The following PLEKHA6 variants were observed in gnomAD, a reference collection of about 807,000 sequenced individuals.
PLEKHA6 encodes the protein pleckstrin homology domain-containing family A member 6.
Under a neutral mutation model 116.7 loss-of-function variants are expected in PLEKHA6, and 60 were observed. The observed-to-expected ratio is 0.51, with a 90% CI of 0.42 to 0.64. PLEKHA6 has a LOEUF of 0.64. Ranked by LOEUF, PLEKHA6 falls within the 30% of genes least tolerant of loss-of-function variation. The pLI, the probability that PLEKHA6 is intolerant of heterozygous loss-of-function variation, is 0.00. For missense variants in PLEKHA6, 1,338 were observed against 1,422.7 expected, an observed-to-expected ratio of 0.94 and a Z score of 0.96; for synonymous variants, 489 against 556.1, an observed-to-expected ratio of 0.88 and a Z score of 1.70.
intron 15 of PLEKHA6, among the ~76,000 whole-genome samples, chr1:204,242,545 T>G (rs1347293455): frequency 6.6e-6 from 1 of 152,216 alleles, no homozygotes; most frequent in Non-Finnish European, 1.5e-5. Context: ...GGCACAGGAC[T>G]CTTTCTACTC....
At chr1:204,227,761 T>C (rs1162104699) in intron 21 of PLEKHA6, among the ~76,000 whole-genome samples, 1 of 152,308 alleles carries the variant, frequency 6.6e-6, no homozygotes, top group East Asian at 1.9e-4. Flanking sequence ...AGCTGTCATC[T>C]TTTCTCTGTG....
intron 9 of PLEKHA6, chr1:204,255,685 C>A (rs1261686148): frequency 1.4e-6 from 1 of 702,882 alleles, no homozygotes; most frequent in Admixed American, 2.0e-5. Flanking sequence ...TCATCCTACC[C>A]GGAGCCCGAG....
chr1:204,241,386 G>T lies in PLEKHA6; in HGVS notation c.2398C>A (p.Leu800Ile), dbSNP rs769513561. 6.2e-7 allele frequency: 1 copy of T among 1,606,658 alleles called. No individual in the cohort carries two copies. Among genetic ancestry groups the T allele is most frequent in the Admixed American group, 1.7e-5 (1 of 59,772 alleles). Residue 800 changes from leucine (L) to isoleucine (I), a missense_variant, in exon 17 of 23, where the codon CTC becomes ATC. Leu to Ile is a conservative substitution (Grantham distance 5). Coordinates refer to ENST00000272203, the MANE Select transcript of PLEKHA6 (RefSeq NM_014935.5). ...RRNASGLTNGLSSQERPKSAV... is the reference protein window; with the variant it reads ...RRNASGLTNGISSQERPKSAV... ...GCAGAGGTACCCACCTGGGAGGAGA[G>T]TCCATTGGTGAGCCCACTGGCATTC...
intron 1 of PLEKHA6, among the ~76,000 whole-genome samples, chr1:204,348,917 G>A (rs531716210): frequency 5.3e-5 from 8 of 152,310 alleles, no homozygotes; most frequent in East Asian, 3.9e-4. Flanking sequence ...CTGGGCCCCT[G>A]ACACCAAGTC....
chr1:204,219,253 A>C lies in PLEKHA6; in HGVS notation c.*3535T>G, dbSNP rs1168842661. 1 of 151,904 alleles carries C rather than the reference A, an allele frequency of 6.6e-6. No individual in the cohort carries two copies. Among genetic ancestry groups the C allele is most frequent in the Non-Finnish European group, 1.5e-5 (1 of 67,828 alleles). The allele number at this position is 151,904 out of a possible 1,614,324, so 9.4% of individuals were successfully genotyped here. ...TGTGTGTGTGTGTGTATATATATAT[A>C]TATATATAATGTGTGTGTATATCAT... On this transcript the variant is annotated 3_prime_UTR_variant, in exon 23 of 23. Coordinates refer to ENST00000272203, the MANE Select transcript of PLEKHA6 (RefSeq NM_014935.5).
chr1:204,339,327 G>C (rs190758329), intron 1 of PLEKHA6, among the ~76,000 whole-genome samples: 1 of 152,224 alleles, frequency 6.6e-6, no homozygotes, highest in Non-Finnish European at 1.5e-5. Flanking sequence ...AGAACCCTGA[G>C]AGACAGGCAT....
Position 204,228,867 on chromosome 1 carries a change from G to C in PLEKHA6, c.2752-6C>G, listed in dbSNP as rs764149121. ...ACTTTGTCTGGAGTGGAGAGCTATG[G>C]AGGGGCTGGGGTCACCACCTCTGTC... is the stretch of plus-strand genomic sequence containing the variant. On this transcript the variant is annotated splice_region_variant and splice_polypyrimidine_tract_variant and intron_variant, in intron 19 of 22. Coordinates refer to ENST00000272203, the MANE Select transcript of PLEKHA6 (RefSeq NM_014935.5). The surrounding 1 kb of genome is among the most constrained non-coding windows in gnomAD (Gnocchi z 4.0). 1.2e-6 allele frequency: 2 copies of C among 1,614,068 alleles called. No homozygotes were observed. Among genetic ancestry groups the C allele is most frequent in the South Asian group, 1.1e-5 (1 of 91,082 alleles).
chr1:204,276,637 GACACACAC>G (rs10567692), intron 1 of PLEKHA6, among the ~76,000 whole-genome samples: 3,490 of 136,894 alleles, frequency 0.025, 122 homozygotes, highest in African/African-American at 0.084. Context: ...CACTGGCACA[GACACACAC>G]ACACACACAC....
chr1:204,361,971 T>C (rs1374555366), upstream of PLEKHA6, among the ~76,000 whole-genome samples: 1 of 152,192 alleles, frequency 6.6e-6, no homozygotes, highest in Non-Finnish European at 1.5e-5. Context: ...CTGGGCGGGT[T>C]TCCTCTCTGG....
chr1:204,241,635 T>C, intron 16 of PLEKHA6, 50 bp downstream of exon 16: 1 of 1,530,000 alleles, frequency 6.5e-7, no homozygotes. Context: ...CCAGGGCTCC[T>C]CCCTGAGCAT....
chr1:204,229,235 C>T lies in PLEKHA6; in HGVS notation c.2584-131G>A, dbSNP rs1450361207. On this transcript the variant is annotated intron_variant, in intron 18 of 22. Coordinates refer to ENST00000272203, the MANE Select transcript of PLEKHA6 (RefSeq NM_014935.5). Reference sequence around the variant, plus strand: ...GCCACCCCACTGCTCCCACCATACCCCACTGCAGAACTATCTTCCTTCCTT... The same window carrying T: ...GCCACCCCACTGCTCCCACCATACCTCACTGCAGAACTATCTTCCTTCCTT... 26 of 833,316 alleles carry T rather than the reference C, an allele frequency of 3.1e-5. No homozygotes were observed. In the East Asian group the frequency reaches 6.9e-4, roughly 22 times the overall value. 51.6% of individuals were successfully genotyped at this position (833,316 alleles called of 1,614,324 possible). A position where few individuals can be genotyped will look rare whatever the true frequency, so the allele number is the denominator to read the frequency against.
intron 1 of PLEKHA6, among the ~76,000 whole-genome samples, chr1:204,296,427 T>C (rs904123407): frequency 2.6e-5 from 4 of 152,178 alleles, no homozygotes; most frequent in Non-Finnish European, 4.4e-5. Context: ...TTTGCATGCC[T>C]TCCCCTACCC....
chr1:204,274,438 G>A lies in PLEKHA6; in HGVS notation c.-14+291C>T, dbSNP rs58620862. ...CATATCAGATTTTCTCAGCGCTTCC[G>A]TCAAAGGCCCCTGGGTGCTATGCCA... On this transcript the variant is annotated intron_variant, in intron 2 of 22. Coordinates refer to ENST00000272203, the MANE Select transcript of PLEKHA6 (RefSeq NM_014935.5). 1,235 of 184,746 alleles carry A rather than the reference G, an allele frequency of 6.7e-3. 17 individuals are homozygous for A. Among genetic ancestry groups the A allele is most frequent in the African/African-American group, 0.028 (1,170 of 42,066 alleles). 11.4% of individuals were successfully genotyped at this position (184,746 alleles called of 1,614,324 possible).
chr1:204,228,600 T>C lies in PLEKHA6; in HGVS notation c.2885+128A>G. 1.2e-6 allele frequency: 1 copy of C among 836,640 alleles called. No homozygotes were observed. The highest frequency in any genetic ancestry group is 2.2e-5 in the Admixed American group (1 of 46,458). The allele number at this position is 836,640 out of a possible 1,614,324, so 51.8% of individuals were successfully genotyped here. On this transcript the variant is annotated intron_variant, in intron 20 of 22. Coordinates refer to ENST00000272203, the MANE Select transcript of PLEKHA6 (RefSeq NM_014935.5). This position sits in a 1 kb window ranked among gnomAD's most constrained non-coding sequence, Gnocchi z 4.0. ...CTGCCGGTAGCTGGGCCCTGTCTGC[T>C]GCCTGGAGTCACCACCTCGATGTGC...
chr1:204,340,398 A>G (rs1202136444), intron 1 of PLEKHA6, among the ~76,000 whole-genome samples: 1 of 152,204 alleles, frequency 6.6e-6, no homozygotes, highest in African/African-American at 2.4e-5. Flanking sequence ...CACCCGCATT[A>G]GAGTCAATCA....
chr1:204,346,363 G>A (rs1178156697), intron 1 of PLEKHA6, among the ~76,000 whole-genome samples: 2 of 152,102 alleles, frequency 1.3e-5, no homozygotes, highest in African/African-American at 4.8e-5. Context: ...CCCCCCTAGA[G>A]GAGGCAGCAT....
intron 1 of PLEKHA6, among the ~76,000 whole-genome samples, chr1:204,314,445 AC>A (rs1378872056): frequency 2.6e-5 from 4 of 152,214 alleles, no homozygotes; most frequent in Non-Finnish European, 5.9e-5. Context: ...CAATGGAGTG[AC>A]TGGGCCAACA....
Position 204,223,367 on chromosome 1 carries a change from G to A in PLEKHA6, c.*8+95C>T, listed in dbSNP as rs1659884040. ...CACAGGGCACTGGGGTAGGGGAGAA[G>A]CAATACCAAAATGAGAGGGCATAGA... is the stretch of plus-strand genomic sequence containing the variant. On this transcript the variant is annotated intron_variant, in intron 22 of 22. Coordinates refer to ENST00000272203, the MANE Select transcript of PLEKHA6 (RefSeq NM_014935.5). The surrounding 1 kb of genome is among the most constrained non-coding windows in gnomAD (Gnocchi z 4.8). 1 of 721,836 alleles carries A rather than the reference G, an allele frequency of 1.4e-6. No homozygotes were observed. Among genetic ancestry groups the A allele is most frequent in the Admixed American group, 2.0e-5 (1 of 49,578 alleles). 44.7% of individuals were successfully genotyped at this position (721,836 alleles called of 1,614,324 possible).
At chr1:204,280,427 A>C in intron 1 of PLEKHA6, 1 of 985,042 alleles carries the variant, frequency 1.0e-6, no homozygotes, top group Non-Finnish European at 1.2e-6. Context: ...GAAATACTCC[A>C]CTCCTTCCAC....
Sources: allele counts gnomAD v4.1 joint callset (sites outside exome capture counted in the v4.1 genomes callset), GRCh38; gene constraint gnomAD v4.1.1; non-coding constraint Gnocchi (gnomAD v3.1); transcripts MANE v1.5; gene names NCBI Gene and HGNC (gene_info 2026-07-23, HGNC 2026-07-21).